ADAMTSL1: variants seen among roughly 807,000 people sequenced by gnomAD.
ADAMTSL1 encodes the protein ADAMTS-like protein 1.
ADAMTSL1 carries 126 observed loss-of-function variants against 201.8 expected under a neutral mutation model. The ratio of observed to expected loss-of-function variants is 0.62; its 90% CI spans 0.54 to 0.72. The LOEUF is 0.72. Among genes scored for constraint, ADAMTSL1 ranks in the 30% least tolerant of loss-of-function variants. ADAMTSL1 has a pLI of 0.00. For missense variants in ADAMTSL1, 2,679 were observed against 2,277.8 expected, an observed-to-expected ratio of 1.18 and a Z score of -3.59; for synonymous variants, 1,121 against 903.4, an observed-to-expected ratio of 1.24 and a Z score of -4.32.
intron 7 of ADAMTSL1, among the ~76,000 whole-genome samples, 157 bp downstream of exon 7, chr9:18,639,568 T>C (rs867285479): frequency 2.6e-5 from 4 of 152,064 alleles, no homozygotes; most frequent in Admixed American, 2.6e-4. Flanking sequence ...GCTAGCTGCA[T>C]CCTGGACCTT....
At chr9:18,043,968 C>T (rs947592720) in intron 1 of ADAMTSL1, among the ~76,000 whole-genome samples, 4 of 147,214 alleles carry the variant, frequency 2.7e-5, no homozygotes, top group Non-Finnish European at 3.0e-5. Context: ...TGCTATACCC[C>T]TCTTCATGGA....
At chr9:18,428,738 G>T (rs1056245486) in intron 2 of ADAMTSL1, among the ~76,000 whole-genome samples, 1 of 152,182 alleles carries the variant, frequency 6.6e-6, no homozygotes, top group African/African-American at 2.4e-5. Context: ...CATTTCAACT[G>T]TGTATTTCTT....
intron 2 of ADAMTSL1, among the ~76,000 whole-genome samples, chr9:18,342,872 A>G (rs1220465431): frequency 6.6e-6 from 1 of 152,128 alleles, no homozygotes; most frequent in Admixed American, 6.6e-5. Context: ...TGATCTCTCA[A>G]TTTCTCTCTG....
chr9:18,709,352 T>C (rs891299282), intron 14 of ADAMTSL1, among the ~76,000 whole-genome samples: 6 of 152,228 alleles, frequency 3.9e-5, no homozygotes, highest in Non-Finnish European at 8.8e-5. Flanking sequence ...GTTATATATA[T>C]TTTTAATTAT....
At chr9:18,810,166 T>C (rs1823413066) in intron 20 of ADAMTSL1, among the ~76,000 whole-genome samples, 2 of 152,178 alleles carry the variant, frequency 1.3e-5, no homozygotes, top group East Asian at 1.9e-4. Context: ...TGCTCAACAA[T>C]CATTATAGTA....
chr9:18,255,312 C>T (rs1831641633), intron 2 of ADAMTSL1, among the ~76,000 whole-genome samples: 1 of 151,554 alleles, frequency 6.6e-6, no homozygotes, highest in African/African-American at 2.4e-5. Flanking sequence ...GGCGTATGAG[C>T]GTTTGCTAGC....
At chr9:18,224,769 T>C (rs1830383890) in intron 2 of ADAMTSL1, among the ~76,000 whole-genome samples, 1 of 152,104 alleles carries the variant, frequency 6.6e-6, no homozygotes, top group South Asian at 2.1e-4. Flanking sequence ...AGGACAGGCA[T>C]GGTCACAGTA....
chr9:18,342,198 G>C (rs1403341616), intron 2 of ADAMTSL1, among the ~76,000 whole-genome samples: 1 of 152,130 alleles, frequency 6.6e-6, no homozygotes, highest in Non-Finnish European at 1.5e-5. Context: ...AAAAGATATG[G>C]CTCAGGCCCA....
intron 7 of ADAMTSL1, among the ~76,000 whole-genome samples, chr9:18,644,086 C>G (rs757113737): frequency 6.6e-6 from 1 of 151,698 alleles, no homozygotes; most frequent in Non-Finnish European, 1.5e-5. Flanking sequence ...GTGTCTTTCA[C>G]TTTCTTGATT....
chr9:18,800,019 A>T (rs1563811437), intron 20 of ADAMTSL1, among the ~76,000 whole-genome samples: 1 of 152,136 alleles, frequency 6.6e-6, no homozygotes, highest in African/African-American at 2.4e-5. Context: ...AGTTAGGCTC[A>T]CAGAGGACCT....
At chr9:18,016,441 C>G (rs749954027) in intron 1 of ADAMTSL1, among the ~76,000 whole-genome samples, 3 of 151,854 alleles carry the variant, frequency 2.0e-5, no homozygotes, top group Non-Finnish European at 2.9e-5. Flanking sequence ...GGTATGGATT[C>G]CATTGTACTT....
intron 2 of ADAMTSL1, among the ~76,000 whole-genome samples, chr9:18,337,753 T>C (rs1835303354): frequency 6.6e-6 from 1 of 152,202 alleles, no homozygotes; most frequent in African/African-American, 2.4e-5. Flanking sequence ...ACTGGTGCTG[T>C]AGTTCATGGA....
intron 2 of ADAMTSL1, among the ~76,000 whole-genome samples, chr9:18,513,369 T>C (rs1355429169): frequency 1.3e-5 from 2 of 152,220 alleles, no homozygotes; most frequent in Non-Finnish European, 1.5e-5. Context: ...ACTTGATTAG[T>C]CTAGATACCT....
At chr9:18,009,900 A>T (rs181888351) in intron 1 of ADAMTSL1, among the ~76,000 whole-genome samples, 5 of 152,186 alleles carry the variant, frequency 3.3e-5, no homozygotes. Context: ...CTTTAATTAC[A>T]TGATTTTCCT....
chr9:18,689,937 A>G (rs1467516133), intron 13 of ADAMTSL1, among the ~76,000 whole-genome samples: 1 of 152,236 alleles, frequency 6.6e-6, no homozygotes, highest in Non-Finnish European at 1.5e-5. Flanking sequence ...TTGTGCTTCA[A>G]CAAAATAGTC....
chr9:18,058,652 A>G (rs369614154), intron 1 of ADAMTSL1, among the ~76,000 whole-genome samples: 1 of 152,052 alleles, frequency 6.6e-6, no homozygotes, highest in East Asian at 1.9e-4. Flanking sequence ...CTTTTGACCC[A>G]TGAAATAGGT....
chr9:18,867,109 G>C (rs1302758278), intron 23 of ADAMTSL1, among the ~76,000 whole-genome samples: 1 of 152,190 alleles, frequency 6.6e-6, no homozygotes, highest in East Asian at 1.9e-4. Context: ...CTCAAGTTCA[G>C]AGGTTCTTTT....
intron 23 of ADAMTSL1, among the ~76,000 whole-genome samples, chr9:18,859,248 T>C (rs1827059123): frequency 6.6e-6 from 1 of 152,180 alleles, no homozygotes; most frequent in South Asian, 2.1e-4. Context: ...CGGGGAAATA[T>C]ATTCGTCTTT....
chr9:18,523,232 ATGTC>A (rs1818812221), intron 2 of ADAMTSL1, among the ~76,000 whole-genome samples: 2 of 152,186 alleles, frequency 1.3e-5, no homozygotes, highest in African/African-American at 4.8e-5. Context: ...GGCTGCATAA[ATGTC>A]TTCTTTTGAG....
Sources: allele counts gnomAD v4.1 joint callset (sites outside exome capture counted in the v4.1 genomes callset), GRCh38; gene constraint gnomAD v4.1.1; transcripts MANE v1.5; gene names NCBI Gene and HGNC (gene_info 2026-07-23, HGNC 2026-07-21).